RET: variants seen among roughly 807,000 people sequenced by gnomAD.
The protein encoded by RET is proto-oncogene tyrosine-protein kinase receptor Ret.
Under a neutral mutation model 118.3 loss-of-function variants are expected in RET, and 19 were observed. That is an observed-to-expected ratio of 0.16 (90% CI 0.11 to 0.24). The LOEUF is 0.24. Among genes scored for constraint, RET ranks in the 10% least tolerant of loss-of-function variants. The pLI, the probability that RET is intolerant of heterozygous loss-of-function variation, is 1.00. For missense variants in RET, 1,219 were observed against 1,502.1 expected, an observed-to-expected ratio of 0.81 and a Z score of 3.12; for synonymous variants, 597 against 644.1, an observed-to-expected ratio of 0.93 and a Z score of 1.11.
rs775152474 is a variant in RET at position 43,111,465 on chromosome 10, T to C, written c.1522T>C (p.Tyr508His). 5 of 1,607,954 alleles carry C rather than the reference T, an allele frequency of 3.1e-6. No homozygotes were observed. Among genetic ancestry groups the C allele is most frequent in the African/African-American group, 2.7e-5 (2 of 74,732 alleles). ...GCTGCTTGTAACAGTGGAGGGGTCA[T>C]GTGAGTGCCTGCTCCAGGGAGGGAG... ...AQLLVTVEGS[Y>H]VAEEAGCPLS... Residue 508 changes from tyrosine (Y) to histidine (H), a missense_variant and splice_region_variant, in exon 7 of 20, where the codon TAT becomes CAT. Coordinates refer to ENST00000355710, the MANE Select transcript of RET (RefSeq NM_020975.6).
intron 1 of RET, among the ~76,000 whole-genome samples, chr10:43,095,889 C>G (rs1051081910): frequency 6.6e-6 from 1 of 152,248 alleles, no homozygotes; most frequent in African/African-American, 2.4e-5. Flanking sequence ...TGCCTGGGCA[C>G]AGCCAGCCTG....
chr10:43,113,000 G>C lies in RET; in HGVS notation c.1759+37G>C, dbSNP rs372580064. ...TTAATCAGGGCATGGGAACAGGTAG[G>C]AGATAGTAGGGGAAACCTGGATCCC... On this transcript the variant is annotated intron_variant, in intron 9 of 19. Coordinates refer to ENST00000355710, the MANE Select transcript of RET (RefSeq NM_020975.6). The C allele has an allele frequency of 8.0e-5, 124 of 1,557,252 alleles. No individual in the cohort carries two copies. The African/African-American group carries it at 1.6e-3, about 20-fold the overall frequency.
intron 7 of RET, among the ~76,000 whole-genome samples, chr10:43,111,879 C>A (rs1431135202): frequency 1.3e-5 from 2 of 152,232 alleles, no homozygotes. Flanking sequence ...CCTGTACTTA[C>A]CCCAGCCCAG....
chr10:43,129,600 C>A lies in RET; in HGVS notation c.*1331C>A. ...TCTGGCTGTGTTGTCAGCACTGTAA[C>A]TTCGCAGAAAAGAGTCGGATTACCA... On this transcript the variant is annotated 3_prime_UTR_variant, in exon 20 of 20. Coordinates refer to ENST00000355710, the MANE Select transcript of RET (RefSeq NM_020975.6). 1 of 246,222 alleles carries A rather than the reference C, an allele frequency of 4.1e-6. No individual in the cohort carries two copies. The highest frequency in any genetic ancestry group is 7.9e-6 in the Non-Finnish European group (1 of 127,156). 15.3% of individuals were successfully genotyped at this position (246,222 alleles called of 1,614,324 possible). A position where few individuals can be genotyped will look rare whatever the true frequency, so the allele number is the denominator to read the frequency against.
chr10:43,115,278 T>G (rs550862718), intron 11 of RET, among the ~76,000 whole-genome samples: 1 of 152,232 alleles, frequency 6.6e-6, no homozygotes, highest in Non-Finnish European at 1.5e-5. Context: ...CGTGAATAGC[T>G]CCTCGGCAGG....
Position 43,121,970 on chromosome 10 carries a change from G to C in RET, c.2755G>C (p.Ala919Pro), listed in dbSNP as rs1361265737. The stretch of plus-strand genomic sequence containing the variant: ...GGGTCGGATTCCAGTTAAATGGATG[G>C]CAATTGAATCCCTTTTTGATCATAT... ...SQGRIPVKWM[A>P]IESLFDHIYT... Residue 919 changes from alanine to proline, a missense_variant, in exon 16 of 20, where the codon GCA becomes CCA. Physicochemically the swap from Ala to Pro is conservative, Grantham distance 27. Coordinates refer to ENST00000355710, the MANE Select transcript of RET (RefSeq NM_020975.6). 4 of 1,613,234 alleles carry C rather than the reference G, an allele frequency of 2.5e-6. No homozygotes were observed. Among genetic ancestry groups the C allele is most frequent in the Non-Finnish European group, 3.4e-6 (4 of 1,179,454 alleles).
intron 8 of RET, 122 bp from the exon 9 acceptor site, chr10:43,112,731 G>A (rs1837968303): frequency 1.3e-6 from 1 of 762,442 alleles, no homozygotes; most frequent in Non-Finnish European, 2.3e-6. Flanking sequence ...CTCTGTATAT[G>A]GTGTTTCCCT....
intron 5 of RET, among the ~76,000 whole-genome samples, chr10:43,107,807 A>G (rs1837819083): frequency 6.6e-6 from 1 of 152,118 alleles, no homozygotes; most frequent in South Asian, 2.1e-4. Flanking sequence ...CAACACACAG[A>G]AGGTATACAT....
chr10:43,123,652 G>A lies in RET; in HGVS notation c.2802-19G>A, dbSNP rs765569833. 51 of 1,613,938 alleles carry A rather than the reference G, an allele frequency of 3.2e-5. No individual in the cohort carries two copies. In the East Asian group the frequency reaches 8.7e-4, roughly 27 times the overall value. ...GAGGGCCAGGTGGAGCCACTCACTGGTCCTTTCACTCTCTGCAGATGGTCT... is the reference window on the plus strand; with the variant it reads ...GAGGGCCAGGTGGAGCCACTCACTGATCCTTTCACTCTCTGCAGATGGTCT... On this transcript the variant is annotated intron_variant, in intron 16 of 19. Coordinates refer to ENST00000355710, the MANE Select transcript of RET (RefSeq NM_020975.6).
At chr10:43,127,656 G>A (rs1838364877) in intron 19 of RET, among the ~76,000 whole-genome samples, 1 of 151,934 alleles carries the variant, frequency 6.6e-6, no homozygotes, top group African/African-American at 2.4e-5. Context: ...TGCTGACGAT[G>A]CTATGAGGCT....
Position 43,123,935 on chromosome 10 carries a change from C to A in RET, c.2939+127C>A, listed in dbSNP as rs922014645. On this transcript the variant is annotated intron_variant, in intron 17 of 19. Transcript: ENST00000355710. ...AGTGGGGGGTGGGGAGTGGGCAGGGCAGAGGTTAGAGAGCCATCCTTGGGT... is the reference window on the plus strand; with the variant it reads ...AGTGGGGGGTGGGGAGTGGGCAGGGAAGAGGTTAGAGAGCCATCCTTGGGT... The A allele has an allele frequency of 3.3e-5, 47 of 1,431,248 alleles. No homozygotes were observed. In the Admixed American group the frequency reaches 8.6e-4, roughly 26 times the overall value. 88.7% of individuals were successfully genotyped at this position (1,431,248 alleles called of 1,614,324 possible). A position where few individuals can be genotyped will look rare whatever the true frequency, so the allele number is the denominator to read the frequency against.
At chr10:43,088,141 G>A (rs1026626712) in intron 1 of RET, among the ~76,000 whole-genome samples, 1 of 151,544 alleles carries the variant, frequency 6.6e-6, no homozygotes, top group Admixed American at 6.6e-5. Flanking sequence ...GGTGGTGGAG[G>A]CAGTTGTGGT....
chr10:43,115,302 G>A (rs1838046695), intron 11 of RET, among the ~76,000 whole-genome samples: 1 of 152,232 alleles, frequency 6.6e-6, no homozygotes, highest in Non-Finnish European at 1.5e-5. Flanking sequence ...CTCCAGGGAG[G>A]AAGCTGAGCA....
chr10:43,108,182 C>CAA lies in RET; in HGVS notation c.1064-836_1064-835dup, dbSNP rs1265403086. Among the ~76,000 whole-genome samples, 4 of 110,602 alleles carry CAA rather than the reference C, an allele frequency of 3.6e-5. No individual in the cohort carries two copies. The East Asian group carries it at 7.4e-4, about 20-fold the overall frequency. 72.6% of individuals were successfully genotyped at this position (110,602 alleles called of 152,430 possible). On this transcript the variant is annotated intron_variant, in intron 5 of 19. Coordinates refer to ENST00000355710, the MANE Select transcript of RET (RefSeq NM_020975.6). Reference sequence around the variant, plus strand: ...GCAACATGGTGAAACCCTGTCTCTACAAAAAAAAAAAAAATACAAAAAATT... The same window carrying CAA: ...GCAACATGGTGAAACCCTGTCTCTACAAAAAAAAAAAAAAAATACAAAAAATT...
intron 1 of RET, among the ~76,000 whole-genome samples, chr10:43,093,223 A>G (rs1308025432): frequency 6.6e-6 from 1 of 152,138 alleles, no homozygotes; most frequent in Non-Finnish European, 1.5e-5. Context: ...AGGGCTCCAC[A>G]GAGGGTGCCA....
At chr10:43,115,262 T>C (rs1320962940) in intron 11 of RET, among the ~76,000 whole-genome samples, 1 of 152,178 alleles carries the variant, frequency 6.6e-6, no homozygotes, top group Non-Finnish European at 1.5e-5. Context: ...ACGCAGCTTA[T>C]GGTGGCGTGA....
At chr10:43,108,275 G>T (rs1564492961) in intron 5 of RET, among the ~76,000 whole-genome samples, 1 of 152,116 alleles carries the variant, frequency 6.6e-6, no homozygotes, top group Non-Finnish European at 1.5e-5. Context: ...GATGGCTGGA[G>T]CCTGGGAGGT....
rs878855059 is a variant in RET, at chr10:43,113,573, G to A, written c.1777G>A (p.Gly593Arg). ...QDCLRGSIVG[G>R]HEPGEPRGIK... ...GCCCTCAGGGGGCAGCATTGTTGGG[G>A]GACACGAGCCTGGGGAGCCCCGGGG... The change falls in exon 10 of 20, where the codon GGA becomes AGA. Residue 593 changes from glycine (G) to arginine (R), a missense_variant. Around this residue, in one of 5 missense-constraint regions of RET, gnomAD observed 850 missense variants for 969.6 expected, o/e 0.88. Coordinates refer to ENST00000355710, the MANE Select transcript of RET (RefSeq NM_020975.6). The A allele has an allele frequency of 5.6e-6, 9 of 1,609,390 alleles. No homozygotes were observed. The highest frequency in any genetic ancestry group is 7.6e-6 in the Non-Finnish European group (9 of 1,178,570).
chr10:43,119,856 T>TA, intron 14 of RET, 111 bp downstream of exon 14: 2 of 1,308,266 alleles, frequency 1.5e-6, no homozygotes, highest in Non-Finnish European at 1.1e-6. Flanking sequence ...TGCCACACTC[T>TA]AGCCCACCAT....
Sources: allele counts gnomAD v4.1 joint callset (sites outside exome capture counted in the v4.1 genomes callset), GRCh38; gene constraint gnomAD v4.1.1; regional missense constraint gnomAD v4.1.1; transcripts MANE v1.5; gene names NCBI Gene and HGNC (gene_info 2026-07-23, HGNC 2026-07-21).